Variants in CYYR1 observed in about 807,000 individuals in gnomAD.
CYYR1 encodes cysteine and tyrosine-rich protein 1.
In CYYR1, 14 loss-of-function variants were observed where a neutral mutation model predicts 15.2. That is an observed-to-expected ratio of 0.92 (90% CI 0.61 to 1.44). The LOEUF (loss-of-function observed/expected upper bound fraction) is 1.44. Ranked by LOEUF, CYYR1 falls within the 40% of genes most tolerant of loss-of-function variation. The pLI is 0.00. For synonymous variants in CYYR1, 80 were observed against 77.4 expected, an observed-to-expected ratio of 1.03 and a Z score of -0.18; for missense variants, 228 against 209.5, an observed-to-expected ratio of 1.09 and a Z score of -0.54.
chr21:26,517,269 G>A (rs1305582317), intron 2 of CYYR1, among the ~76,000 whole-genome samples: 1 of 151,974 alleles, frequency 6.6e-6, no homozygotes, highest in Non-Finnish European at 1.5e-5. Context: ...GATTAGTCAA[G>A]CCTGTCCTTC....
chr21:26,480,603 A>G (rs182536477), intron 2 of CYYR1, among the ~76,000 whole-genome samples, 174 bp from the exon 3 acceptor site: 2 of 151,802 alleles, frequency 1.3e-5, no homozygotes, highest in African/African-American at 4.8e-5. Context: ...CTGAATTGAT[A>G]AAGCAAATAG....
intron 2 of CYYR1, among the ~76,000 whole-genome samples, chr21:26,514,320 T>C (rs2065691605): frequency 6.6e-6 from 1 of 152,150 alleles, no homozygotes; most frequent in African/African-American, 2.4e-5. Flanking sequence ...GGGAAGATGG[T>C]TCATGAATGC....
intron 2 of CYYR1, among the ~76,000 whole-genome samples, chr21:26,547,712 G>T (rs1177824040): frequency 6.6e-6 from 1 of 151,956 alleles, no homozygotes; most frequent in African/African-American, 2.4e-5. Flanking sequence ...CTTTTCCTTG[G>T]CACCTAGAGC....
chr21:26,551,115 A>C (rs759433726), intron 2 of CYYR1: 1 of 152,692 alleles, frequency 6.5e-6, no homozygotes, highest in Non-Finnish European at 1.5e-5. Context: ...TGTGCAACAA[A>C]GCCCTTATGG....
intron 2 of CYYR1, among the ~76,000 whole-genome samples, chr21:26,541,171 T>C (rs1027494647): frequency 6.6e-6 from 1 of 151,492 alleles, no homozygotes; most frequent in African/African-American, 2.4e-5. Flanking sequence ...ACATGTGGAG[T>C]TTTACAAGGA....
At chr21:26,523,691 T>C (rs959039321) in intron 2 of CYYR1, among the ~76,000 whole-genome samples, 20 of 152,306 alleles carry the variant, frequency 1.3e-4, no homozygotes, top group South Asian at 8.3e-4. Flanking sequence ...TCTCCTTCAT[T>C]TCTGGGACCT....
At chr21:26,570,903 T>C (rs1051553012) in intron 1 of CYYR1, among the ~76,000 whole-genome samples, 1 of 152,212 alleles carries the variant, frequency 6.6e-6, no homozygotes, top group African/African-American at 2.4e-5. Flanking sequence ...GTTCAGGGCG[T>C]CTATATTTTT....
intron 2 of CYYR1, among the ~76,000 whole-genome samples, chr21:26,504,224 G>GTATTTATT (rs59992346): frequency 0.18 from 26,944 of 150,438 alleles, 2,629 homozygotes; most frequent in Non-Finnish European, 0.23. Flanking sequence ...TCTTTGTGAT[G>GTATTTATT]TATTTATTTA....
intron 2 of CYYR1, chr21:26,483,428 A>G (rs1276502356): frequency 1.0e-6 from 1 of 956,518 alleles, no homozygotes; most frequent in Non-Finnish European, 1.2e-6. Flanking sequence ...AAAAAAAAAA[A>G]GCTTGAAGTA....
intron 3 of CYYR1, chr21:26,477,875 T>G: frequency 1.6e-6 from 2 of 1,266,842 alleles, no homozygotes; most frequent in Non-Finnish European, 2.0e-6. Flanking sequence ...TATTCCAACA[T>G]CTTTACAGTA....
chr21:26,570,763 A>C (rs963251333), intron 1 of CYYR1, among the ~76,000 whole-genome samples: 2 of 152,194 alleles, frequency 1.3e-5, no homozygotes, highest in African/African-American at 4.8e-5. Context: ...CCAGCATCTA[A>C]CCTCAACCCT....
At chr21:26,555,486 T>C (rs1979707454) in intron 2 of CYYR1, among the ~76,000 whole-genome samples, 1 of 152,174 alleles carries the variant, frequency 6.6e-6, no homozygotes, top group South Asian at 2.1e-4. Flanking sequence ...TACAGAAATA[T>C]GTTTAAAGTA....
At chr21:26,535,237 A>G (rs921506213) in intron 2 of CYYR1, among the ~76,000 whole-genome samples, 3 of 152,086 alleles carry the variant, frequency 2.0e-5, no homozygotes, top group African/African-American at 7.2e-5. Context: ...CTGCATATGT[A>G]CCCCTGAATC....
intron 2 of CYYR1, among the ~76,000 whole-genome samples, chr21:26,520,113 G>GATAGATATATATATATATATATAT (rs1323824516): frequency 1.6e-4 from 19 of 120,700 alleles, no homozygotes; most frequent in African/African-American, 6.4e-4. Flanking sequence ...AAACCCAGGA[G>GATAGATATATATATATATATATAT]ATATATATAT....
In CYYR1 at chr21:26,503,855, A is replaced by G. The variant is rs146988239; in HGVS notation, c.177-23426T>C. Among the ~76,000 whole-genome samples, 599 of 152,354 alleles carry G rather than the reference A, an allele frequency of 3.9e-3. 1 individual carries two copies. The highest frequency in any genetic ancestry group is 5.9e-3 in the Non-Finnish European group (400 of 68,038). The stretch of plus-strand genomic sequence containing the variant: ...ATACAAAAGAGAGATGGGACAAAAA[A>G]TAAAATCTGCATTTTCTTCATGGAA... On this transcript the variant is annotated intron_variant, in intron 2 of 3. Coordinates refer to ENST00000652641, the MANE Select transcript of CYYR1 (RefSeq NM_001320768.2).
intron 2 of CYYR1, among the ~76,000 whole-genome samples, chr21:26,539,861 T>G (rs1601808682): frequency 6.6e-6 from 1 of 152,334 alleles, no homozygotes; most frequent in Middle Eastern, 3.4e-3. Flanking sequence ...CTATGTTATT[T>G]AACCAGAAGC....
At chr21:26,569,547 T>G (rs1315150390) in intron 1 of CYYR1, among the ~76,000 whole-genome samples, 2 of 152,138 alleles carry the variant, frequency 1.3e-5, no homozygotes, top group South Asian at 4.1e-4. Flanking sequence ...TCACAAAATA[T>G]ACCCAGGTAA....
At chr21:26,469,356 A>C (rs2065006572) in intron 3 of CYYR1, among the ~76,000 whole-genome samples, 2 of 152,156 alleles carry the variant, frequency 1.3e-5, no homozygotes, top group Admixed American at 1.3e-4. Context: ...GAAGAAGACA[A>C]AAAAGGAGGA....
At chr21:26,524,654 G>C (rs11088003) in intron 2 of CYYR1, among the ~76,000 whole-genome samples, 49,020 of 151,920 alleles carry the variant, frequency 0.32, 8,811 homozygotes, top group East Asian at 0.64. Context: ...TTCTCTCTCT[G>C]TGTAATTGAC....
Sources: gnomAD v4.1 joint callset for allele counts (sites outside exome capture counted in the v4.1 genomes callset) on GRCh38, gnomAD v4.1.1 for gene constraint, MANE v1.5 for transcripts, NCBI Gene and HGNC (gene_info 2026-07-23, HGNC 2026-07-21) for gene names.